Variants in LHPP observed in about 807,000 individuals in gnomAD.
LHPP encodes the protein hLHPP.
LHPP carries 24 observed loss-of-function variants against 30.3 expected under a neutral mutation model. That is an observed-to-expected ratio of 0.79 (90% CI 0.57 to 1.11). LHPP has a LOEUF of 1.11. Among genes scored for constraint, LHPP ranks in the 50% most tolerant of loss-of-function variants. LHPP has a pLI of 0.00. For synonymous variants in LHPP, 150 were observed against 157.1 expected, an observed-to-expected ratio of 0.95 and a Z score of 0.34; for missense variants, 356 against 367.2, an observed-to-expected ratio of 0.97 and a Z score of 0.25.
At chr10:124,566,543 C>T (rs1589870340) in intron 6 of LHPP, among the ~76,000 whole-genome samples, 1 of 152,232 alleles carries the variant, frequency 6.6e-6, no homozygotes. Context: ...CAGCTCTCTT[C>T]TGTAGCTTGA....
At chr10:124,602,541 T>G (rs1015955699) in intron 6 of LHPP, among the ~76,000 whole-genome samples, 1 of 152,178 alleles carries the variant, frequency 6.6e-6, no homozygotes, top group Non-Finnish European at 1.5e-5. Context: ...CTTGGGCAGA[T>G]CCCTTCCTGT....
Position 124,496,983 on chromosome 10 carries a change from G to A in LHPP, c.490G>A (p.Gly164Ser). 6 of 1,614,076 alleles carry A rather than the reference G, an allele frequency of 3.7e-6. No individual in the cohort carries two copies. The highest frequency in any genetic ancestry group is 5.1e-6 in the Non-Finnish European group (6 of 1,179,952). ...TAGGCGTTACTACAAGGAGACCTCT[G>A]GCCTGATGCTGGACGTTGGTCCCTA... ...GKGRYYKETSGLMLDVGPYMK... is the reference protein window; with the variant it reads ...GKGRYYKETSSLMLDVGPYMK... Residue 164 changes from glycine (G) to serine (S), a missense_variant, in exon 4 of 7, where the codon GGC becomes AGC. Gly to Ser is a moderately conservative substitution (Grantham distance 56). Coordinates refer to ENST00000368842, the MANE Select transcript of LHPP (RefSeq NM_022126.4). This position sits in a 1 kb window ranked among gnomAD's most constrained non-coding sequence, Gnocchi z 4.3.
intron 5 of LHPP, among the ~76,000 whole-genome samples, chr10:124,506,821 G>A (rs192425366): frequency 2.5e-5 from 1 of 39,544 alleles, no homozygotes; most frequent in African/African-American, 9.7e-5. Context: ...TTTCAGGTGG[G>A]GGGGTAGGGA....
At position 124,520,830 on chromosome 10, in the gene LHPP, C is replaced by T. The variant is rs563116938; in HGVS notation, c.716+3559C>T. Among the ~76,000 whole-genome samples, 489 of 152,234 alleles carry T rather than the reference C, an allele frequency of 3.2e-3. 3 individuals carry two copies. The highest frequency in any genetic ancestry group is 0.011 in the African/African-American group (456 of 41,534). On this transcript the variant is annotated intron_variant, in intron 6 of 6. Coordinates refer to ENST00000368842, the MANE Select transcript of LHPP (RefSeq NM_022126.4). ...GACTTGTAGCTCGCCCACAGTGAGA[C>T]GTGCAGGAAGTGTAAAATACACACT... is the stretch of plus-strand genomic sequence containing the variant.
chr10:124,466,996 C>T (rs1051008891), intron 1 of LHPP, among the ~76,000 whole-genome samples: 5 of 151,494 alleles, frequency 3.3e-5, no homozygotes, highest in African/African-American at 7.3e-5. Flanking sequence ...TGGTGGTGCA[C>T]GCCTGTAGTC....
At chr10:124,498,210 C>G (rs1953788186) in intron 5 of LHPP, 82 bp downstream of exon 5, 1 of 1,387,846 alleles carries the variant, frequency 7.2e-7, no homozygotes, top group East Asian at 2.3e-5. Context: ...TTACAGGACT[C>G]AGGCAGCCTG....
intron 5 of LHPP, chr10:124,498,747 G>A (rs1322585567): frequency 4.4e-6 from 2 of 455,146 alleles, no homozygotes; most frequent in Admixed American, 5.1e-5. Context: ...ATGGCTCACT[G>A]CAGCCTGGAC....
chr10:124,567,616 G>A (rs534705818), intron 6 of LHPP, among the ~76,000 whole-genome samples: 3 of 152,344 alleles, frequency 2.0e-5, no homozygotes, highest in South Asian at 2.1e-4. Context: ...GACAAGGGGC[G>A]GCACTGCTGG....
intron 2 of LHPP, 24 bp from the exon 3 acceptor site, chr10:124,488,398 C>T: frequency 6.2e-7 from 1 of 1,612,756 alleles, no homozygotes; most frequent in Non-Finnish European, 8.5e-7. Context: ...CTCCGTGGCA[C>T]TCTGTCTCTC....
At chr10:124,520,533 C>T (rs567347684) in intron 6 of LHPP, among the ~76,000 whole-genome samples, 29 of 152,360 alleles carry the variant, frequency 1.9e-4, no homozygotes, top group Admixed American at 9.1e-4. Flanking sequence ...GGACTTAGCC[C>T]ATTTGTTCCT....
At chr10:124,488,808 C>CA (rs1953420384) in intron 3 of LHPP, among the ~76,000 whole-genome samples, 1 of 152,048 alleles carries the variant, frequency 6.6e-6, no homozygotes, top group African/African-American at 2.4e-5. Context: ...ATCAAGCTTC[C>CA]ATGTGGAGTC....
intron 6 of LHPP, among the ~76,000 whole-genome samples, chr10:124,581,026 T>C (rs968715938): frequency 1.3e-5 from 2 of 152,174 alleles, no homozygotes; most frequent in Non-Finnish European, 2.9e-5. Flanking sequence ...GCCCGGCTAT[T>C]TTCATTACCC....
At position 124,549,685 on chromosome 10, in the gene LHPP, G is replaced by C. The variant is rs183793109; in HGVS notation, c.716+32414G>C. 3.9e-5 allele frequency among the ~76,000 whole-genome samples: 6 copies of C among 152,330 alleles called. No homozygotes were observed. The East Asian group carries it at 1.2e-3, about 29-fold the overall frequency. ...CCATTGGTGGTGATTTGCAGGACGG[G>C]ACCTTACATCTGGGGAAGGGGCTGC... is the stretch of plus-strand genomic sequence containing the variant. On this transcript the variant is annotated intron_variant, in intron 6 of 6. Coordinates refer to ENST00000368842, the MANE Select transcript of LHPP (RefSeq NM_022126.4).
intron 6 of LHPP, among the ~76,000 whole-genome samples, chr10:124,518,954 G>GT (rs1432246818): frequency 1.3e-5 from 2 of 152,014 alleles, no homozygotes; most frequent in African/African-American, 2.4e-5. Flanking sequence ...TTTTGTTTTT[G>GT]TTTTTTTGAG....
chr10:124,599,925 G>A (rs1382133806), intron 6 of LHPP, among the ~76,000 whole-genome samples: 1 of 152,224 alleles, frequency 6.6e-6, no homozygotes, highest in Non-Finnish European at 1.5e-5. Context: ...TTCATTCACT[G>A]ATCATGCATT....
At chr10:124,507,280 G>C (rs761774098) in intron 5 of LHPP, among the ~76,000 whole-genome samples, 25 of 59,066 alleles carry the variant, frequency 4.2e-4, no homozygotes, top group South Asian at 9.4e-4. Flanking sequence ...GATTTCAGGT[G>C]GGGGGGTAGG....
At chr10:124,463,376 T>G (rs1470658082) in intron 1 of LHPP, among the ~76,000 whole-genome samples, 1 of 151,754 alleles carries the variant, frequency 6.6e-6, no homozygotes, top group African/African-American at 2.4e-5. Flanking sequence ...ACACTTTTTT[T>G]TTTTTGAGAC....
Position 124,577,526 on chromosome 10 carries a change from A to T in LHPP, c.717-35738A>T, listed in dbSNP as rs143150564. Among the ~76,000 whole-genome samples the T allele has an allele frequency of 1.3e-3, 198 of 152,268 alleles. 1 individual carries two copies. Among genetic ancestry groups the T allele is most frequent in the African/African-American group, 4.4e-3 (181 of 41,554 alleles). Reference sequence around the variant, plus strand: ...GAATCTGAGGCTCTGAGGCAGGTGGACAGCCAGGTCCCTCTTTACCCAGCA... The same window carrying T: ...GAATCTGAGGCTCTGAGGCAGGTGGTCAGCCAGGTCCCTCTTTACCCAGCA... On this transcript the variant is annotated intron_variant, in intron 6 of 6. Transcript: ENST00000368842.
chr10:124,608,101 C>T (rs1257951742), intron 6 of LHPP, among the ~76,000 whole-genome samples: 2 of 152,148 alleles, frequency 1.3e-5, no homozygotes, highest in African/African-American at 4.8e-5. Context: ...CAGGCACCCT[C>T]CCTAGTGCCA....
Sources: allele counts gnomAD v4.1 joint callset (sites outside exome capture counted in the v4.1 genomes callset), GRCh38; gene constraint gnomAD v4.1.1; non-coding constraint Gnocchi (gnomAD v3.1); transcripts MANE v1.5; gene names NCBI Gene and HGNC (gene_info 2026-07-23, HGNC 2026-07-21).